FANCI: variants seen among roughly 807,000 people sequenced by gnomAD.
The protein encoded by FANCI is Fanconi anemia group I protein.
FANCI carries 156 observed loss-of-function variants against 176.1 expected under a neutral mutation model. The ratio of observed to expected loss-of-function variants is 0.89; its 90% CI spans 0.78 to 1.01. FANCI has a LOEUF of 1.01. FANCI is among the 50% of genes least tolerant of loss of function. The pLI is 0.00. For missense variants in FANCI, 1,678 were observed against 1,534.1 expected (o/e 1.09, Z -1.57); for synonymous variants, 613 against 541.7 (o/e 1.13, Z -1.83).
intron 32 of FANCI, 103 bp from the exon 33 acceptor site, chr15:89,307,373 C>T (rs1596327751): frequency 2.5e-6 from 3 of 1,177,574 alleles, no homozygotes; most frequent in Non-Finnish European, 3.7e-6. Context: ...TTTTGTTTTT[C>T]CTCTTCAGTC....
At chr15:89,314,064 C>T (rs62022586) in intron 35 of FANCI, among the ~76,000 whole-genome samples, 245 of 58,836 alleles carry the variant, frequency 4.2e-3, no homozygotes, top group African/African-American at 0.017. Context: ...CACAGACACA[C>T]ACACACACAC....
chr15:89,317,218 C>T, downstream of FANCI: 1 of 685,210 alleles, frequency 1.5e-6, no homozygotes, highest in Non-Finnish European at 2.6e-6. Flanking sequence ...ATCACATTCA[C>T]TCTGGACACA....
At chr15:89,283,006 C>G (rs2053673745) in intron 16 of FANCI, 130 bp from the exon 17 acceptor site, 3 of 881,480 alleles carry the variant, frequency 3.4e-6, no homozygotes, top group Non-Finnish European at 5.6e-6. Flanking sequence ...CATAAATTCA[C>G]TTTGTTTTGC....
At chr15:89,290,337 G>A (rs747019622) in intron 19 of FANCI, 56 bp downstream of exon 19, 1 of 1,348,266 alleles carries the variant, frequency 7.4e-7, no homozygotes, top group Non-Finnish European at 1.1e-6. Context: ...TCGAGAGACA[G>A]TTGATGGTTT....
intron 34 of FANCI, among the ~76,000 whole-genome samples, chr15:89,310,032 C>T (rs187360512): frequency 7.9e-5 from 12 of 152,314 alleles, no homozygotes; most frequent in Non-Finnish European, 1.3e-4. Context: ...TAGTTATCCC[C>T]ATATGCATGA....
chr15:89,278,563 T>G, intron 13 of FANCI, 124 bp from the exon 14 acceptor site: 1 of 714,262 alleles, frequency 1.4e-6, no homozygotes, highest in Non-Finnish European at 2.5e-6. Context: ...ATGATTCACA[T>G]TATATTCTGA....
chr15:89,259,628 A>G (rs1184809665), intron 3 of FANCI, among the ~76,000 whole-genome samples: 1 of 152,210 alleles, frequency 6.6e-6, no homozygotes, highest in Non-Finnish European at 1.5e-5. Flanking sequence ...GAAGGTTTGC[A>G]TCTCTTAGAT....
chr15:89,290,779 T>A (rs1453657079), intron 19 of FANCI, among the ~76,000 whole-genome samples: 2 of 152,174 alleles, frequency 1.3e-5, no homozygotes, highest in Non-Finnish European at 2.9e-5. Context: ...GGAGGGTTCC[T>A]TTAGACCCCT....
chr15:89,260,738 A>C lies in FANCI; in HGVS notation c.183A>C (p.Gly61=), dbSNP rs1481483689. Residue 61 remains glycine, a synonymous_variant, in exon 4 of 38, where the codon GGA becomes GGC. Coordinates refer to ENST00000310775, the MANE Select transcript of FANCI (RefSeq NM_001113378.2). The stretch of plus-strand genomic sequence containing the variant: ...GTTCCCCCTGCTCTGAGGAAGCTGG[A>C]ACACTTAGGAGACGTAAGATATACA... ...FKGSPCSEEA[G]TLRRRKIYTC... 1 of 1,613,988 alleles carries C rather than the reference A, an allele frequency of 6.2e-7. No individual in the cohort carries two copies. The highest frequency in any genetic ancestry group is 8.5e-7 in the Non-Finnish European group (1 of 1,179,902).
chr15:89,283,806 G>A (rs2053712144), intron 17 of FANCI, among the ~76,000 whole-genome samples: 1 of 150,686 alleles, frequency 6.6e-6, no homozygotes, highest in Non-Finnish European at 1.5e-5. Flanking sequence ...AGGCTGGAGT[G>A]CAGTGGCGCG....
chr15:89,291,865 C>T (rs2054083381), intron 20 of FANCI, 151 bp downstream of exon 20: 1 of 696,472 alleles, frequency 1.4e-6, no homozygotes, highest in African/African-American at 1.8e-5. Flanking sequence ...ATTTCTGAAC[C>T]ATTATCATTT....
At chr15:89,270,976 C>G (rs1170468845) in intron 10 of FANCI, among the ~76,000 whole-genome samples, 1 of 152,174 alleles carries the variant, frequency 6.6e-6, no homozygotes, top group African/African-American at 2.4e-5. Context: ...TATCTGTTCA[C>G]TCTTTTTTTA....
At chr15:89,271,095 C>T (rs906244844) in intron 10 of FANCI, among the ~76,000 whole-genome samples, 1 of 151,876 alleles carries the variant, frequency 6.6e-6, no homozygotes, top group African/African-American at 2.4e-5. Flanking sequence ...TTTTATTTTA[C>T]ATTTTTTTTG....
intron 18 of FANCI, among the ~76,000 whole-genome samples, chr15:89,285,605 AC>A (rs1420175475): frequency 6.6e-6 from 1 of 152,252 alleles, no homozygotes; most frequent in African/African-American, 2.4e-5. Context: ...CAACAGTGAG[AC>A]CTTGTCTCTC....
chr15:89,305,477 A>G, intron 30 of FANCI, 68 bp downstream of exon 30: 1 of 1,610,678 alleles, frequency 6.2e-7, no homozygotes, highest in Non-Finnish European at 8.5e-7. Context: ...ATGTGAAGTG[A>G]CTTGTGTCCT....
intron 18 of FANCI, among the ~76,000 whole-genome samples, chr15:89,286,822 G>A (rs940125712): frequency 6.6e-6 from 1 of 152,012 alleles, no homozygotes; most frequent in Non-Finnish European, 1.5e-5. Flanking sequence ...CCCTAGCTAG[G>A]CAAGTCCCAG....
intron 37 of FANCI, 88 bp from the exon 38 acceptor site, chr15:89,316,309 A>G (rs2055254328): frequency 7.6e-7 from 1 of 1,308,018 alleles, no homozygotes; most frequent in Non-Finnish European, 1.1e-6. Context: ...CTTTGATGAG[A>G]AGATAGAGTC....
chr15:89,257,942 G>A (rs766402727), intron 2 of FANCI, among the ~76,000 whole-genome samples: 1 of 152,054 alleles, frequency 6.6e-6, no homozygotes, highest in African/African-American at 2.4e-5. Flanking sequence ...AGTAACTTCC[G>A]TTGCACTTAG....
chr15:89,281,882 T>G, intron 16 of FANCI, 47 bp downstream of exon 16: 1 of 1,556,934 alleles, frequency 6.4e-7, no homozygotes, highest in Non-Finnish European at 8.9e-7. Context: ...TCTTCTAATG[T>G]TGGAGCTAAA....
Sources: gnomAD v4.1 joint callset for allele counts (sites outside exome capture counted in the v4.1 genomes callset) on GRCh38, gnomAD v4.1.1 for gene constraint, MANE v1.5 for transcripts, NCBI Gene and HGNC (gene_info 2026-07-23, HGNC 2026-07-21) for gene names.